The following PPFIA2 variants were observed in gnomAD, a reference collection of about 807,000 sequenced individuals.
The protein encoded by PPFIA2 is liprin-alpha-2.
PPFIA2 carries 46 observed loss-of-function variants against 175.5 expected under a neutral mutation model. The ratio of observed to expected loss-of-function variants is 0.26; its 90% confidence interval spans 0.21 to 0.34. The LOEUF (loss-of-function observed/expected upper bound fraction) is 0.34, where lower values mean the gene tolerates loss of function less well. Among genes scored for constraint, PPFIA2 ranks in the 10% least tolerant of loss-of-function variants. The pLI, the probability that PPFIA2 is intolerant of heterozygous loss-of-function variation, is 1.00. For missense variants in PPFIA2, 1,179 were observed against 1,506.1 expected (o/e 0.78, Z 3.60); for synonymous variants, 568 against 511.4 (o/e 1.11, Z -1.49).
At chr12:81,439,284 T>C (rs571023873) in intron 7 of PPFIA2, among the ~76,000 whole-genome samples, 1 of 150,160 alleles carries the variant, frequency 6.7e-6, no homozygotes, top group Non-Finnish European at 1.5e-5. Context: ...TAAATATATA[T>C]ATATATAGTT....
chr12:81,360,181 C>A (rs1238849035), intron 15 of PPFIA2, among the ~76,000 whole-genome samples: 1 of 151,766 alleles, frequency 6.6e-6, no homozygotes, highest in African/African-American at 2.4e-5. Context: ...TTTTCCAGTT[C>A]TCTGAGCTAG....
chr12:81,336,674 T>A (rs189282552), intron 21 of PPFIA2, among the ~76,000 whole-genome samples: 2 of 152,196 alleles, frequency 1.3e-5, no homozygotes, highest in Non-Finnish European at 2.9e-5. Flanking sequence ...ACTTAAGTCA[T>A]GTGTCTCTGC....
intron 4 of PPFIA2, among the ~76,000 whole-genome samples, chr12:81,665,204 A>C (rs1007144185): frequency 1.3e-5 from 2 of 152,030 alleles, no homozygotes; most frequent in Admixed American, 6.6e-5. Context: ...AACGTGAAAA[A>C]AATTTACGGT....
intron 4 of PPFIA2, among the ~76,000 whole-genome samples, chr12:81,642,608 C>T (rs1296566507): frequency 8.5e-6 from 1 of 118,236 alleles, no homozygotes; most frequent in African/African-American, 3.3e-5. Flanking sequence ...TATATATATA[C>T]ACACACATAA....
At chr12:81,527,346 C>T (rs530830233) in intron 4 of PPFIA2, among the ~76,000 whole-genome samples, 9 of 146,678 alleles carry the variant, frequency 6.1e-5, no homozygotes, top group African/African-American at 2.3e-4. Context: ...TTTACTCCTA[C>T]TATATACACC....
intron 22 of PPFIA2, among the ~76,000 whole-genome samples, chr12:81,305,103 C>A (rs1050467332): frequency 1.3e-5 from 2 of 152,036 alleles, no homozygotes; most frequent in East Asian, 1.9e-4. Flanking sequence ...GAATGCATGG[C>A]AAATTAACTT....
chr12:81,478,491 A>G (rs1449396683), intron 4 of PPFIA2, among the ~76,000 whole-genome samples: 2 of 151,812 alleles, frequency 1.3e-5, no homozygotes, highest in Non-Finnish European at 2.9e-5. Flanking sequence ...GGTTCTTTTA[A>G]TTGTGATTTT....
intron 4 of PPFIA2, among the ~76,000 whole-genome samples, chr12:81,566,924 T>C (rs142734116): frequency 6.6e-6 from 1 of 152,358 alleles, no homozygotes; most frequent in African/African-American, 2.4e-5. Flanking sequence ...AGAAATGTTT[T>C]ATGGTATAAG....
Position 81,281,348 on chromosome 12 carries a change from A to G in PPFIA2, c.3121T>C (p.Phe1041Leu). ...SLGLPQYRSY[F>L]MECLVDARML... is the part of the protein sequence containing the mutation. Reference sequence around the variant, plus strand: ...CTTGCATCTACCAAGCATTCCATAAAGTAACTTCTGTACTGAGGTAACCCC... The same window carrying G: ...CTTGCATCTACCAAGCATTCCATAAGGTAACTTCTGTACTGAGGTAACCCC... The change falls in exon 27 of 33, where the codon TTT (phenylalanine) becomes CTT (leucine). Residue 1041 changes from phenylalanine (F) to leucine (L), a missense_variant. Coordinates refer to ENST00000549396, the MANE Select transcript of PPFIA2 (RefSeq NM_003625.5). 6.2e-7 allele frequency: 1 copy of G among 1,611,038 alleles called. No individual in the cohort carries two copies. Among genetic ancestry groups the G allele is most frequent in the Non-Finnish European group, 8.5e-7 (1 of 1,177,512 alleles).
chr12:81,534,392 A>G (rs1328940957), intron 4 of PPFIA2, among the ~76,000 whole-genome samples: 4 of 151,716 alleles, frequency 2.6e-5, no homozygotes, highest in Non-Finnish European at 5.9e-5. Flanking sequence ...GATATCCTAA[A>G]TGCCCTGATT....
chr12:81,633,670 C>G (rs2063655882), intron 4 of PPFIA2, among the ~76,000 whole-genome samples: 2 of 151,644 alleles, frequency 1.3e-5, no homozygotes, highest in Non-Finnish European at 2.9e-5. Context: ...ATTTTATGAG[C>G]AAAGGAAACA....
At chr12:81,657,427 G>A (rs1337348031) in intron 4 of PPFIA2, among the ~76,000 whole-genome samples, 2 of 152,124 alleles carry the variant, frequency 1.3e-5, no homozygotes, top group Admixed American at 6.5e-5. Flanking sequence ...ACCTGTACAC[G>A]TCCTGTTGCC....
intron 4 of PPFIA2, among the ~76,000 whole-genome samples, chr12:81,539,844 A>G (rs2153336038): frequency 6.6e-6 from 1 of 151,906 alleles, no homozygotes; most frequent in Non-Finnish European, 1.5e-5. Context: ...TATATTTCTT[A>G]TTTTCTCATT....
chr12:81,378,291 A>G (rs2036860456), intron 9 of PPFIA2: 1 of 152,082 alleles, frequency 6.6e-6, no homozygotes, highest in African/African-American at 2.4e-5. Flanking sequence ...GCACTCTGAC[A>G]TCATGTCTAC....
chr12:81,325,044 T>C (rs2139766448), intron 22 of PPFIA2, among the ~76,000 whole-genome samples: 1 of 151,788 alleles, frequency 6.6e-6, no homozygotes, highest in African/African-American at 2.4e-5. Flanking sequence ...AAGGAAAATG[T>C]GAAAACCAAA....
At chr12:81,597,438 T>A (rs776576388) in intron 4 of PPFIA2, among the ~76,000 whole-genome samples, 15 of 152,060 alleles carry the variant, frequency 9.9e-5, no homozygotes, top group Non-Finnish European at 2.1e-4. Context: ...TAAACTTGGT[T>A]CTTAAACCTC....
At chr12:81,277,653 T>C (rs927370396) in intron 27 of PPFIA2, among the ~76,000 whole-genome samples, 4 of 152,200 alleles carry the variant, frequency 2.6e-5, no homozygotes, top group African/African-American at 7.2e-5. Context: ...AGTTTTAAAA[T>C]CATCATGGAT....
chr12:81,394,610 C>T (rs56137195), intron 8 of PPFIA2, among the ~76,000 whole-genome samples: 1 of 151,694 alleles, frequency 6.6e-6, no homozygotes, highest in African/African-American at 2.4e-5. Flanking sequence ...ACAACGAGAA[C>T]ACATGGACAC....
chr12:81,507,918 C>T (rs1389101850), intron 4 of PPFIA2, among the ~76,000 whole-genome samples: 1 of 152,146 alleles, frequency 6.6e-6, no homozygotes, highest in Admixed American at 6.5e-5. Flanking sequence ...ATCTGAAACC[C>T]TATCACATAA....
Sources: gnomAD v4.1 joint callset for allele counts (sites outside exome capture counted in the v4.1 genomes callset) on GRCh38, gnomAD v4.1.1 for gene constraint, MANE v1.5 for transcripts, NCBI Gene and HGNC (gene_info 2026-07-23, HGNC 2026-07-21) for gene names.